The following AGO2 variants were observed in gnomAD, a reference collection of about 807,000 sequenced individuals.
AGO2 encodes the protein protein argonaute-2.
In AGO2, 5 loss-of-function variants were observed where a neutral mutation model predicts 102.3. That is an observed-to-expected ratio of 0.05 (90% confidence interval 0.03 to 0.10). The LOEUF (loss-of-function observed/expected upper bound fraction) is 0.10. Among genes scored for constraint, AGO2 ranks in the 10% least tolerant of loss-of-function variants. The probability of loss-of-function intolerance (pLI) is 1.00; values close to 1 mark genes in which losing one functional copy is unlikely to be tolerated. For synonymous variants in AGO2, 449 were observed against 473.1 expected (o/e 0.95, Z 0.66); for missense variants, 541 against 1,183.7 (o/e 0.46, Z 7.97).
At position 140,585,142 on chromosome 8, in the gene AGO2, C is replaced by T; in HGVS notation, c.192G>A (p.Glu64=). Reference sequence around the variant, plus strand: ...ACCTGTTAACTCTCCTCGGGCACTTCTCTGGCTTGATATCCAATTCATAAT... The same window carrying T: ...ACCTGTTAACTCTCCTCGGGCACTTTTCTGGCTTGATATCCAATTCATAAT... The part of the protein sequence containing the change: ...IYHYELDIKP[E]KCPRRVNREI... The change falls in exon 2 of 19, where the codon GAG becomes GAA. Residue 64 remains glutamate, a synonymous_variant. Transcript: ENST00000220592. The T allele has an allele frequency of 6.2e-7, 1 of 1,614,164 alleles. No individual in the cohort carries two copies. Among genetic ancestry groups the T allele is most frequent in the East Asian group, 2.2e-5 (1 of 44,888 alleles).
intron 1 of AGO2, among the ~76,000 whole-genome samples, chr8:140,601,125 A>G (rs187890237): frequency 6.6e-6 from 1 of 152,164 alleles, no homozygotes; most frequent in Non-Finnish European, 1.5e-5. Context: ...CAAGTTCCCC[A>G]GTGGCATCTC....
At chr8:140,571,149 TGG>T (rs1168552343) in intron 3 of AGO2, among the ~76,000 whole-genome samples, 1 of 152,186 alleles carries the variant, frequency 6.6e-6, no homozygotes, top group Non-Finnish European at 1.5e-5. Context: ...TCTATCACCC[TGG>T]GCTGGCAGTG....
Position 140,556,990 on chromosome 8 carries a change from A to G in AGO2, c.1026+99T>C, listed in dbSNP as rs572812554. The G allele has an allele frequency of 7.4e-6, 11 of 1,478,130 alleles. No homozygotes were observed. The Admixed American group carries it at 2.4e-4, about 32-fold the overall frequency. 91.6% of individuals were successfully genotyped at this position (1,478,130 alleles called of 1,614,324 possible). ...CAGCAGCAGAGGCAGTGCCATTTGTATCTGACTGGGGCCTCGGCGGTTTCT... is the reference window on the plus strand; with the variant it reads ...CAGCAGCAGAGGCAGTGCCATTTGTGTCTGACTGGGGCCTCGGCGGTTTCT... On this transcript the variant is annotated intron_variant, in intron 8 of 18. Transcript: ENST00000220592.
intron 1 of AGO2, among the ~76,000 whole-genome samples, chr8:140,596,830 G>A (rs982360331): frequency 2.0e-5 from 3 of 152,134 alleles, no homozygotes; most frequent in East Asian, 1.9e-4. Context: ...GGTGGGGGAC[G>A]GGCCCACGTC....
At chr8:140,545,151 C>T (rs73360472) in intron 13 of AGO2, among the ~76,000 whole-genome samples, 8,352 of 152,238 alleles carry the variant, frequency 0.055, 552 homozygotes, top group African/African-American at 0.15. Context: ...ACTCACTCTC[C>T]GCCCACATCC....
chr8:140,547,474 T>C lies in AGO2; in HGVS notation c.1742A>G (p.Gln581Arg). The C allele has an allele frequency of 6.2e-7, 1 of 1,613,844 alleles. No individual in the cohort carries two copies. Among genetic ancestry groups the C allele is most frequent in the Non-Finnish European group, 8.5e-7 (1 of 1,179,852 alleles). The change falls in exon 13 of 19, where the codon CAG becomes CGG. Residue 581 changes from glutamine (Q) to arginine (R), a missense_variant. Gln to Arg is a conservative substitution (Grantham distance 43). Coordinates refer to ENST00000220592, the MANE Select transcript of AGO2 (RefSeq NM_012154.5). Reference sequence around the variant, plus strand: ...TAAAGGGGCCGGGCCTCACCTGCCCTGGGGCAGCAGGATGTTGTTCACGCC... The same window carrying C: ...TAAAGGGGCCGGGCCTCACCTGCCCCGGGGCAGCAGGATGTTGTTCACGCC... ...LGGVNNILLP[Q>R]GRPPVFQQPV...
upstream of AGO2, among the ~76,000 whole-genome samples, chr8:140,636,104 C>T (rs2074406269): frequency 1.3e-5 from 2 of 151,816 alleles, no homozygotes; most frequent in African/African-American, 4.8e-5. Flanking sequence ...CCCTCAGCCC[C>T]TCGGCCCCCA....
At chr8:140,572,962 G>C (rs771624316) in intron 2 of AGO2, 30 bp from the exon 3 acceptor site, 7 of 1,580,188 alleles carry the variant, frequency 4.4e-6, no homozygotes, top group Non-Finnish European at 6.0e-6. Flanking sequence ...CGGGCAAAAT[G>C]TCAATAAAAT....
intron 1 of AGO2, among the ~76,000 whole-genome samples, chr8:140,591,416 T>C (rs548138954): frequency 1.3e-5 from 2 of 152,344 alleles, no homozygotes; most frequent in Admixed American, 6.5e-5. Context: ...ACAGGCAGCC[T>C]GCGCCTCCAG....
intron 3 of AGO2, 69 bp downstream of exon 3, chr8:140,572,743 G>A: frequency 6.4e-7 from 1 of 1,563,430 alleles, no homozygotes; most frequent in Non-Finnish European, 8.7e-7. Flanking sequence ...AGGCATGACA[G>A]ACTTTACAAC....
chr8:140,628,730 A>G (rs1012329331), intron 1 of AGO2, among the ~76,000 whole-genome samples: 2 of 151,490 alleles, frequency 1.3e-5, no homozygotes, highest in African/African-American at 4.9e-5. Context: ...GTGCCACTGC[A>G]CTCTAGCCTG....
chr8:140,539,034 T>TA lies in AGO2; in HGVS notation c.2169+285dup, dbSNP rs1258526798. 3.3e-5 allele frequency among the ~76,000 whole-genome samples: 5 copies of TA among 152,270 alleles called. No individual in the cohort carries two copies. Among genetic ancestry groups the TA allele is most frequent in the African/African-American group, 1.2e-4 (5 of 41,546 alleles). On this transcript the variant is annotated intron_variant, in intron 16 of 18. Coordinates refer to ENST00000220592, the MANE Select transcript of AGO2 (RefSeq NM_012154.5). The surrounding 1 kb of genome is among the most constrained non-coding windows in gnomAD (Gnocchi z 4.7). ...GGGAAGATCACTTGAGCCCAGGAGA[T>TA]AGAGGCTGCAGTAAGCTATGATCGC...
chr8:140,535,934 C>A (rs1213121819), intron 16 of AGO2, among the ~76,000 whole-genome samples: 1 of 152,204 alleles, frequency 6.6e-6, no homozygotes, highest in African/African-American at 2.4e-5. Context: ...ACATCTAAAG[C>A]TAAACCAGGT....
chr8:140,562,422 C>T (rs2073217497), intron 4 of AGO2, 31 bp downstream of exon 4: 1 of 1,591,766 alleles, frequency 6.3e-7, no homozygotes. Context: ...CAGGGGAGTC[C>T]CCCGCCCTTG....
intron 7 of AGO2, among the ~76,000 whole-genome samples, chr8:140,558,031 C>T (rs187665507): frequency 6.6e-6 from 1 of 152,326 alleles, no homozygotes; most frequent in Admixed American, 6.5e-5. Flanking sequence ...CCTCCTCCCG[C>T]AAAGAAACAC....
At chr8:140,543,582 G>A (rs2072839642) in intron 14 of AGO2, among the ~76,000 whole-genome samples, 1 of 152,116 alleles carries the variant, frequency 6.6e-6, no homozygotes, top group African/African-American at 2.4e-5. Context: ...CAGCCTCCTA[G>A]GTAGCAGGAA....
At chr8:140,605,177 T>C (rs2073981156) in intron 1 of AGO2, among the ~76,000 whole-genome samples, 1 of 152,172 alleles carries the variant, frequency 6.6e-6, no homozygotes, top group Non-Finnish European at 1.5e-5. Flanking sequence ...TGCCTGCAAC[T>C]TCCGCCTCCC....
At position 140,561,916 on chromosome 8, in the gene AGO2, G is replaced by A. The variant is rs547528686; in HGVS notation, c.518+537C>T. Among the ~76,000 whole-genome samples the A allele has an allele frequency of 5.3e-5, 8 of 152,350 alleles. 1 individual carries two copies. The highest frequency in any genetic ancestry group is 2.0e-4 in the Admixed American group (3 of 15,298). The stretch of plus-strand genomic sequence containing the variant: ...GCTCCTGCAACAGCGGGCCACTCAG[G>A]AAATTAGTGCAACCCTCTGCCCAGC... On this transcript the variant is annotated intron_variant, in intron 4 of 18. Coordinates refer to ENST00000220592, the MANE Select transcript of AGO2 (RefSeq NM_012154.5).
chr8:140,535,509 T>C lies in AGO2; in HGVS notation c.2230A>G (p.Thr744Ala), dbSNP rs1422218230. The C allele has an allele frequency of 5.0e-6, 8 of 1,614,070 alleles. No individual in the cohort carries two copies. Among genetic ancestry groups the C allele is most frequent in the Non-Finnish European group, 6.8e-6 (8 of 1,180,002 alleles). Reference sequence around the variant, plus strand: ...CTACACAGGTAGAAGTCGAACTCGGTGGGGTGGGTGATTTTCGTGTCCACA... The same window carrying C: ...CTACACAGGTAGAAGTCGAACTCGGCGGGGTGGGTGATTTTCGTGTCCACA... ...TTVDTKITHP[T>A]EFDFYLCSHA... The change falls in exon 17 of 19, where the codon ACC (threonine) becomes GCC (alanine). Residue 744 changes from threonine (T) to alanine (A), a missense_variant. Transcript: ENST00000220592.
Sources: allele counts gnomAD v4.1 joint callset (sites outside exome capture counted in the v4.1 genomes callset), GRCh38; gene constraint gnomAD v4.1.1; non-coding constraint Gnocchi (gnomAD v3.1); transcripts MANE v1.5; gene names NCBI Gene and HGNC (gene_info 2026-07-23, HGNC 2026-07-21).